The following PDGFD variants were observed in gnomAD, a reference collection of about 807,000 sequenced individuals.
The protein encoded by PDGFD is platelet derived growth factor D.
Under a neutral mutation model 44.7 loss-of-function variants are expected in PDGFD, and 30 were observed. The ratio of observed to expected loss-of-function variants is 0.67; its 90% confidence interval spans 0.50 to 0.91. The LOEUF is 0.91. PDGFD is among the 40% of genes least tolerant of loss of function. The probability of loss-of-function intolerance (pLI) is 0.00; values close to 1 mark genes in which losing one functional copy is unlikely to be tolerated. For missense variants in PDGFD, 445 were observed against 457.8 expected, an observed-to-expected ratio of 0.97 and a Z score of 0.25; for synonymous variants, 173 against 168.4, an observed-to-expected ratio of 1.03 and a Z score of -0.21.
intron 4 of PDGFD, among the ~76,000 whole-genome samples, chr11:103,943,992 TAAC>T (rs2134323347): frequency 6.6e-6 from 1 of 152,236 alleles, no homozygotes; most frequent in Admixed American, 6.5e-5. Context: ...ATCATCCACA[TAAC>T]AACAAATAAT....
At chr11:104,135,240 C>T (rs1051343616) in intron 1 of PDGFD, among the ~76,000 whole-genome samples, 1 of 152,182 alleles carries the variant, frequency 6.6e-6, no homozygotes, top group Non-Finnish European at 1.5e-5. Flanking sequence ...ATTACAGCAC[C>T]TGGTATTGGC....
At chr11:104,016,335 G>T (rs547189762) in intron 1 of PDGFD, among the ~76,000 whole-genome samples, 131 of 152,320 alleles carry the variant, frequency 8.6e-4, no homozygotes, top group African/African-American at 2.8e-3. Context: ...CCCTCGCAGG[G>T]TTGGATTCAA....
Position 104,050,176 on chromosome 11 carries a change from C to G in PDGFD, c.125-49921G>C, listed in dbSNP as rs190243394. Reference sequence around the variant, plus strand: ...ACAGTTCTTGTCTATGAGGGAGGAACTGGGCTCTCGGCAGGAGCAGGAAGA... The same window carrying G: ...ACAGTTCTTGTCTATGAGGGAGGAAGTGGGCTCTCGGCAGGAGCAGGAAGA... On this transcript the variant is annotated intron_variant, in intron 1 of 6. Coordinates refer to ENST00000393158, the MANE Select transcript of PDGFD (RefSeq NM_025208.5). Among the ~76,000 whole-genome samples, 27 of 152,166 alleles carry G rather than the reference C, an allele frequency of 1.8e-4. No individual in the cohort carries two copies. In the East Asian group the frequency reaches 5.0e-3, roughly 28 times the overall value.
At chr11:104,075,378 T>G (rs7126667) in intron 1 of PDGFD, among the ~76,000 whole-genome samples, 28,300 of 90,508 alleles carry the variant, frequency 0.31, 3,225 homozygotes, top group Non-Finnish European at 0.41. Flanking sequence ...TTTCTCAGTG[T>G]TTTTTTTTTT....
chr11:104,086,447 A>AATCAT (rs1260662391), intron 1 of PDGFD, among the ~76,000 whole-genome samples: 6 of 152,200 alleles, frequency 3.9e-5, no homozygotes, highest in Non-Finnish European at 8.8e-5. Flanking sequence ...CTTATAATCA[A>AATCAT]TGATATCTTA....
intron 1 of PDGFD, among the ~76,000 whole-genome samples, chr11:104,097,661 A>AGAG (rs1861306129): frequency 6.6e-6 from 1 of 152,218 alleles, no homozygotes; most frequent in South Asian, 2.1e-4. Flanking sequence ...TGCCTTCTGC[A>AGAG]GTTGTGCTAA....
At chr11:104,145,465 C>A (rs1016517394) in intron 1 of PDGFD, among the ~76,000 whole-genome samples, 2 of 152,118 alleles carry the variant, frequency 1.3e-5, no homozygotes, top group Admixed American at 1.3e-4. Context: ...ATTTCTATAG[C>A]CAATTTCTGA....
intron 1 of PDGFD, among the ~76,000 whole-genome samples, chr11:104,042,150 G>T (rs561699469): frequency 6.6e-6 from 1 of 152,302 alleles, no homozygotes; most frequent in African/African-American, 2.4e-5. Flanking sequence ...AGTCTGGGTT[G>T]ATTTTAACTG....
intron 1 of PDGFD, among the ~76,000 whole-genome samples, chr11:104,144,507 C>CAAAAAAAAAAAAAAAAAAAAAAAAAA (rs201864924): frequency 1.4e-5 from 1 of 73,820 alleles, no homozygotes; most frequent in African/African-American, 6.3e-5. Context: ...ACTCCGTCAC[C>CAAAAAAAAAAAAAAAAAAAAAAAAAA]AAAAAAAAAA....
At chr11:104,155,711 G>T (rs1485370631) in intron 1 of PDGFD, among the ~76,000 whole-genome samples, 1 of 152,168 alleles carries the variant, frequency 6.6e-6, no homozygotes, top group East Asian at 1.9e-4. Flanking sequence ...TTGCATATTG[G>T]TTAGTTCATT....
chr11:103,937,065 A>T (rs1253307842), intron 5 of PDGFD, among the ~76,000 whole-genome samples: 1 of 152,092 alleles, frequency 6.6e-6, no homozygotes, highest in Non-Finnish European at 1.5e-5. Context: ...GGCTCAAGCG[A>T]TCTGCCTACC....
intron 1 of PDGFD, among the ~76,000 whole-genome samples, chr11:104,145,589 G>C (rs1862150567): frequency 6.6e-6 from 1 of 152,100 alleles, no homozygotes; most frequent in African/African-American, 2.4e-5. Context: ...TGAAAGTAGA[G>C]AAAACCTTAA....
At chr11:104,006,219 T>C (rs935024563) in intron 1 of PDGFD, among the ~76,000 whole-genome samples, 3 of 152,212 alleles carry the variant, frequency 2.0e-5, no homozygotes, top group African/African-American at 2.4e-5. Flanking sequence ...TCTCAGGTCC[T>C]ACTCCAGACC....
intron 1 of PDGFD, among the ~76,000 whole-genome samples, chr11:104,121,628 A>G (rs1861779963): frequency 6.6e-6 from 1 of 152,102 alleles, no homozygotes; most frequent in Non-Finnish European, 1.5e-5. Context: ...TAGATTAAAT[A>G]GACATAAAGT....
chr11:104,024,345 G>C (rs1255463780), intron 1 of PDGFD, among the ~76,000 whole-genome samples: 2 of 152,006 alleles, frequency 1.3e-5, no homozygotes, highest in African/African-American at 2.4e-5. Flanking sequence ...TAAAATAAAT[G>C]GTCAGAGTAC....
At chr11:104,081,324 G>A (rs1443522587) in intron 1 of PDGFD, among the ~76,000 whole-genome samples, 1 of 152,142 alleles carries the variant, frequency 6.6e-6, no homozygotes, top group Admixed American at 6.6e-5. Flanking sequence ...GAAGCTGATA[G>A]AGTTGCATTT....
intron 3 of PDGFD, among the ~76,000 whole-genome samples, chr11:103,988,314 T>G (rs1043096275): frequency 6.6e-6 from 1 of 151,778 alleles, no homozygotes; most frequent in Non-Finnish European, 1.5e-5. Flanking sequence ...ACTTGTTGCA[T>G]GCCCATATAA....
chr11:103,971,204 T>C lies in PDGFD; in HGVS notation c.511-23480A>G, dbSNP rs566133372. ...TTCTATTTGCCTGGAATATATTTTA[T>C]GAAAATCACATTTGTAGTTAATGTT... On this transcript the variant is annotated intron_variant, in intron 3 of 6. Transcript: ENST00000393158. Among the ~76,000 whole-genome samples, 3 of 152,310 alleles carry C rather than the reference T, an allele frequency of 2.0e-5. No individual in the cohort carries two copies. In the East Asian group the frequency reaches 5.8e-4, roughly 29 times the overall value.
At chr11:104,065,892 T>C (rs1433722314) in intron 1 of PDGFD, among the ~76,000 whole-genome samples, 1 of 152,218 alleles carries the variant, frequency 6.6e-6, no homozygotes, top group Non-Finnish European at 1.5e-5. Flanking sequence ...TTTAAAATAC[T>C]GATGGCATGA....
Sources: allele counts gnomAD v4.1 joint callset (sites outside exome capture counted in the v4.1 genomes callset), GRCh38; gene constraint gnomAD v4.1.1; transcripts MANE v1.5; gene names NCBI Gene and HGNC (gene_info 2026-07-23, HGNC 2026-07-21).